The following TLN2 variants were observed in gnomAD, a reference collection of about 807,000 sequenced individuals.
The protein encoded by TLN2 is talin-2.
TLN2 carries 118 observed loss-of-function variants against 294.7 expected under a neutral mutation model. The observed-to-expected ratio is 0.40, with a 90% CI of 0.34 to 0.47. The LOEUF (loss-of-function observed/expected upper bound fraction) is 0.47. Ranked by LOEUF, TLN2 falls within the 20% of genes least tolerant of loss-of-function variation. The probability of loss-of-function intolerance (pLI) is 0.84; values close to 1 mark genes in which losing one functional copy is unlikely to be tolerated. For synonymous variants in TLN2, 1,431 were observed against 1,304.5 expected (o/e 1.10, Z -2.09); for missense variants, 3,083 against 3,282.2 (o/e 0.94, Z 1.48).
intron 50 of TLN2, 87 bp downstream of exon 50, chr15:62,800,856 G>A: frequency 8.9e-7 from 1 of 1,122,416 alleles, no homozygotes; most frequent in Non-Finnish European, 1.3e-6. Context: ...TTACCAATGA[G>A]GTTTTACCTA....
At chr15:62,631,268 C>T (rs1020093735) in intron 3 of TLN2, among the ~76,000 whole-genome samples, 1 of 152,090 alleles carries the variant, frequency 6.6e-6, no homozygotes, top group Non-Finnish European at 1.5e-5. Flanking sequence ...CCTCTTAATA[C>T]TGTTGTATTG....
At position 62,661,853 on chromosome 15, in the gene TLN2, A is replaced by G. The variant is rs764847988; in HGVS notation, c.788+3955A>G. Among the ~76,000 whole-genome samples the G allele has an allele frequency of 7.3e-4, 111 of 152,190 alleles. 1 individual carries two copies. Among genetic ancestry groups the G allele is most frequent in the Non-Finnish European group, 8.7e-4 (59 of 68,018 alleles). On this transcript the variant is annotated intron_variant, in intron 9 of 58. Coordinates refer to ENST00000636159, the MANE Select transcript of TLN2 (RefSeq NM_015059.3). ...ACACAAAATAGACTGTAAGGCAAAC[A>G]AAGCGTAAGTAGAGATAAAGAAGAT...
chr15:62,756,648 T>G lies in TLN2; in HGVS notation c.4638+955T>G, dbSNP rs536366246. 5.9e-5 allele frequency among the ~76,000 whole-genome samples: 9 copies of G among 152,320 alleles called. No individual in the cohort carries two copies. The East Asian group carries it at 1.7e-3, about 29-fold the overall frequency. The stretch of plus-strand genomic sequence containing the variant: ...TATTCATTCAGATAGGAGGTTTGGC[T>G]TTGCTGCTGGGACAGTCCTAGAGTA... On this transcript the variant is annotated intron_variant, in intron 37 of 58. Transcript: ENST00000636159.
rs368852818 is a variant in TLN2, at chr15:62,758,895, T to C, written c.4639-2786T>C. Among the ~76,000 whole-genome samples, 108 of 152,314 alleles carry C rather than the reference T, an allele frequency of 7.1e-4. 2 individuals carry two copies. The highest frequency in any genetic ancestry group is 7.0e-3 in the South Asian group (34 of 4,828). ...GGTGCTGGTTTTATTGTCTGGAGAA[T>C]TGGGAGTTTAAGCTTAAATTGTCTT... On this transcript the variant is annotated intron_variant, in intron 37 of 58. Coordinates refer to ENST00000636159, the MANE Select transcript of TLN2 (RefSeq NM_015059.3).
At chr15:62,733,151 G>T (rs538485118) in intron 28 of TLN2, among the ~76,000 whole-genome samples, 1 of 152,292 alleles carries the variant, frequency 6.6e-6, no homozygotes, top group South Asian at 2.1e-4. Context: ...GGAAATCTTT[G>T]AAAGAAAGAA....
chr15:62,838,626 G>A (rs2070119911), intron 57 of TLN2, among the ~76,000 whole-genome samples: 1 of 151,772 alleles, frequency 6.6e-6, no homozygotes, highest in African/African-American at 2.4e-5. Context: ...TTCCTTGGGG[G>A]TAACAGGCAC....
chr15:62,659,127 T>C (rs1263448214), intron 9 of TLN2, among the ~76,000 whole-genome samples: 3 of 152,204 alleles, frequency 2.0e-5, no homozygotes, highest in Non-Finnish European at 2.9e-5. Flanking sequence ...GCCACCATGG[T>C]CATTTTATTA....
intron 1 of TLN2, among the ~76,000 whole-genome samples, chr15:62,492,556 A>AG (rs1209467142): frequency 6.6e-6 from 1 of 151,006 alleles, no homozygotes; most frequent in Admixed American, 6.6e-5. Context: ...AAAAAAAAAA[A>AG]AAAAGAAAAA....
intron 41 of TLN2, among the ~76,000 whole-genome samples, chr15:62,767,884 G>A (rs1225992697): frequency 2.6e-5 from 4 of 152,118 alleles, no homozygotes; most frequent in East Asian, 1.9e-4. Flanking sequence ...ATGTCTCTGC[G>A]GATACTTCAT....
At chr15:62,694,588 G>T (rs1352632187) in intron 14 of TLN2, among the ~76,000 whole-genome samples, 196 bp downstream of exon 14, 2 of 152,210 alleles carry the variant, frequency 1.3e-5, no homozygotes, top group East Asian at 3.8e-4. Context: ...GGAGGCTGAG[G>T]ATTTTAGGGA....
chr15:62,482,517 C>T (rs1274091344), intron 1 of TLN2, among the ~76,000 whole-genome samples: 1 of 149,040 alleles, frequency 6.7e-6, no homozygotes, highest in Non-Finnish European at 1.5e-5. Flanking sequence ...GCAGGAGAAT[C>T]GCTTGAACTG....
At chr15:62,533,463 A>C (rs1374755529) in intron 1 of TLN2, among the ~76,000 whole-genome samples, 1 of 151,890 alleles carries the variant, frequency 6.6e-6, no homozygotes, top group Non-Finnish European at 1.5e-5. Context: ...GCTTATGTTT[A>C]GTTGTAAGAG....
intron 1 of TLN2, among the ~76,000 whole-genome samples, chr15:62,398,465 C>T (rs2032744259): frequency 6.6e-6 from 1 of 151,996 alleles, no homozygotes. Context: ...TATAAAGATA[C>T]CTAAAAATGT....
At chr15:62,539,793 AC>A (rs1341227317) in intron 1 of TLN2, among the ~76,000 whole-genome samples, 1 of 151,410 alleles carries the variant, frequency 6.6e-6, no homozygotes, top group Non-Finnish European at 1.5e-5. Flanking sequence ...GCCATCATCT[AC>A]CCTTTTGTTT....
intron 28 of TLN2, among the ~76,000 whole-genome samples, chr15:62,735,794 A>G (rs1247916629): frequency 2.6e-5 from 4 of 152,214 alleles, no homozygotes; most frequent in African/African-American, 9.6e-5. Flanking sequence ...CTTTCTTGTT[A>G]GATTCATTTA....
intron 3 of TLN2, among the ~76,000 whole-genome samples, chr15:62,625,733 A>G (rs2140872872): frequency 6.6e-6 from 1 of 152,336 alleles, no homozygotes; most frequent in African/African-American, 2.4e-5. Context: ...TTTTTAGAGA[A>G]TAAGACTCTC....
intron 57 of TLN2, among the ~76,000 whole-genome samples, chr15:62,837,842 GT>G (rs1352730479): frequency 6.6e-6 from 1 of 152,200 alleles, no homozygotes; most frequent in Non-Finnish European, 1.5e-5. Context: ...GGTCACTTTA[GT>G]TCACAGACCA....
chr15:62,479,332 T>G (rs1020476097), intron 1 of TLN2, among the ~76,000 whole-genome samples: 1 of 152,200 alleles, frequency 6.6e-6, no homozygotes, highest in African/African-American at 2.4e-5. Flanking sequence ...GCAGAGTTGT[T>G]TCAGAGCTAT....
At chr15:62,724,829 C>A in intron 26 of TLN2, 147 bp from the exon 27 acceptor site, 2 of 1,045,688 alleles carry the variant, frequency 1.9e-6, no homozygotes, top group East Asian at 2.7e-5. Context: ...TTTGTTCTCT[C>A]AGAAAAAATA....
Sources: allele counts gnomAD v4.1 joint callset (sites outside exome capture counted in the v4.1 genomes callset), GRCh38; gene constraint gnomAD v4.1.1; transcripts MANE v1.5; gene names NCBI Gene and HGNC (gene_info 2026-07-23, HGNC 2026-07-21).